The following THADA variants were observed in gnomAD, a reference collection of about 807,000 sequenced individuals.
The protein encoded by THADA is tRNA (32-2'-O)-methyltransferase regulator THADA.
THADA carries 213 observed loss-of-function variants against 219.8 expected under a neutral mutation model. The observed-to-expected ratio is 0.97, with a 90% CI of 0.87 to 1.09. The LOEUF is 1.09. Ranked by LOEUF, THADA falls within the 50% of genes least tolerant of loss-of-function variation. THADA has a pLI of 0.00. For missense variants in THADA, 2,956 were observed against 2,311.3 expected (o/e 1.28, Z -5.72); for synonymous variants, 1,018 against 828.9 (o/e 1.23, Z -3.92).
chr2:43,400,077 A>G (rs956385749), intron 28 of THADA, among the ~76,000 whole-genome samples: 4 of 152,212 alleles, frequency 2.6e-5, no homozygotes, highest in Admixed American at 6.5e-5. Context: ...CTTTTCAAAT[A>G]CAAATAACTC....
intron 26 of THADA, among the ~76,000 whole-genome samples, chr2:43,470,233 A>G (rs1684750324): frequency 6.6e-6 from 1 of 151,280 alleles, no homozygotes; most frequent in Non-Finnish European, 1.5e-5. Flanking sequence ...AAAAGAAAGA[A>G]GGAAAAGAAA....
At chr2:43,347,994 G>A (rs1259876491) in intron 29 of THADA, among the ~76,000 whole-genome samples, 2 of 151,908 alleles carry the variant, frequency 1.3e-5, no homozygotes, top group African/African-American at 4.9e-5. Flanking sequence ...GGTCATAGCA[G>A]AAGGGGTGGA....
intron 37 of THADA, among the ~76,000 whole-genome samples, chr2:43,232,415 T>C (rs867738357): frequency 7.9e-5 from 12 of 152,074 alleles, no homozygotes; most frequent in African/African-American, 2.9e-4. Context: ...CCTGACCTCA[T>C]GATCCGCCTG....
intron 14 of THADA, among the ~76,000 whole-genome samples, chr2:43,567,085 CT>C (rs34061617): frequency 0.34 from 48,397 of 144,016 alleles, 8,100 homozygotes; most frequent in African/African-American, 0.42. Context: ...GATACGTACA[CT>C]TTTTTTTTTT....
At chr2:43,434,585 A>G (rs1679826893) in intron 26 of THADA, among the ~76,000 whole-genome samples, 1 of 152,194 alleles carries the variant, frequency 6.6e-6, no homozygotes, top group South Asian at 2.1e-4. Flanking sequence ...ATACACCAAC[A>G]GGCACCAGCA....
chr2:43,558,563 A>T (rs2103923940), intron 16 of THADA, among the ~76,000 whole-genome samples: 1 of 152,312 alleles, frequency 6.6e-6, no homozygotes, highest in Non-Finnish European at 1.5e-5. Context: ...CAGGAAGAAG[A>T]ACATGGAAAG....
At chr2:43,281,443 T>C (rs1417885686) in intron 35 of THADA, among the ~76,000 whole-genome samples, 3 of 146,678 alleles carry the variant, frequency 2.0e-5, no homozygotes, top group Non-Finnish European at 4.5e-5. Context: ...TGTACTTCTT[T>C]TTTTTTTTTT....
At chr2:43,571,522 G>A (rs1347605792) in intron 13 of THADA, among the ~76,000 whole-genome samples, 185 bp downstream of exon 13, 1 of 152,060 alleles carries the variant, frequency 6.6e-6, no homozygotes, top group Non-Finnish European at 1.5e-5. Flanking sequence ...TTTCACTCTG[G>A]ATTTTAATCC....
Position 43,509,801 on chromosome 2 carries a change from G to T in THADA, c.3375-1021C>A, listed in dbSNP as rs189983135. Among the ~76,000 whole-genome samples, 333 of 152,132 alleles carry T rather than the reference G, an allele frequency of 2.2e-3. 1 individual carries two copies. The highest frequency in any genetic ancestry group is 2.2e-3 in the Non-Finnish European group (149 of 67,984). ...AGGCATTTTTTAAAGTTTGACATGG[G>T]CCTAAAAATATTATTTCAGTCATAA... On this transcript the variant is annotated intron_variant, in intron 22 of 37. Coordinates refer to ENST00000405975, the MANE Select transcript of THADA (RefSeq NM_022065.5).
chr2:43,278,565 G>A (rs1004787942), intron 36 of THADA, among the ~76,000 whole-genome samples: 2 of 152,252 alleles, frequency 1.3e-5, no homozygotes, highest in African/African-American at 2.4e-5. Flanking sequence ...AGGGGAGCCT[G>A]CTTGCATATC....
At chr2:43,514,569 AACAT>A (rs1437774515) in intron 22 of THADA, among the ~76,000 whole-genome samples, 2,089 of 105,170 alleles carry the variant, frequency 0.02, 30 homozygotes, top group African/African-American at 0.031. Context: ...TAATATACAT[AACAT>A]ATATGTATAT....
chr2:43,353,821 A>T lies in THADA; in HGVS notation c.4228-9584T>A, dbSNP rs1360949711. On this transcript the variant is annotated intron_variant, in intron 29 of 37. Transcript: ENST00000405975. ...CAGGCATGGGCCACCAAGCTCAGCTAATTTTTTTTTTTTTGAGATGTAGTC... is the reference window on the plus strand; with the variant it reads ...CAGGCATGGGCCACCAAGCTCAGCTTATTTTTTTTTTTTTGAGATGTAGTC... Among the ~76,000 whole-genome samples the T allele has an allele frequency of 2.7e-5, 3 of 112,794 alleles. 1 individual carries two copies. Among genetic ancestry groups the T allele is most frequent in the East Asian group, 3.9e-4 (2 of 5,096 alleles). 74.0% of individuals were successfully genotyped at this position (112,794 alleles called of 152,430 possible). A position where few individuals can be genotyped will look rare whatever the true frequency, so the allele number is the denominator to read the frequency against.
At chr2:43,384,896 T>A (rs182856907) in intron 29 of THADA, among the ~76,000 whole-genome samples, 1 of 152,162 alleles carries the variant, frequency 6.6e-6, no homozygotes, top group Admixed American at 6.5e-5. Flanking sequence ...TTCCAGCACT[T>A]TGGGAGGCCG....
chr2:43,351,388 C>T (rs1668235444), intron 29 of THADA, among the ~76,000 whole-genome samples: 1 of 152,102 alleles, frequency 6.6e-6, no homozygotes, highest in African/African-American at 2.4e-5. Context: ...GACGTTCCAT[C>T]ATTTGTCTCC....
intron 1 of THADA, among the ~76,000 whole-genome samples, chr2:43,592,624 C>T (rs946944069): frequency 6.6e-6 from 1 of 152,066 alleles, no homozygotes; most frequent in African/African-American, 2.4e-5. Flanking sequence ...GTGAAGTGTC[C>T]CCTGGGGAGC....
intron 26 of THADA, among the ~76,000 whole-genome samples, chr2:43,443,861 T>C (rs538118023): frequency 3.2e-4 from 48 of 152,304 alleles, no homozygotes; most frequent in Non-Finnish European, 5.6e-4. Flanking sequence ...TCTACTTGCC[T>C]AGCACAAAGC....
rs372379574 is a variant in THADA, at chr2:43,592,354, C to T, written c.39G>A (p.Ala13=). ...VKKKKEMQVA[A]LTICHQDLET... is the part of the protein sequence containing the mutation. Reference sequence around the variant, plus strand: ...CAAGGTCCTGATGGCAAATGGTCAGCGCAGCAACTTGCATTTCTTTCTTCT... The same window carrying T: ...CAAGGTCCTGATGGCAAATGGTCAGTGCAGCAACTTGCATTTCTTTCTTCT... The change falls in exon 2 of 38, where the codon GCG becomes GCA. Residue 13 remains alanine, a synonymous_variant. Coordinates refer to ENST00000405975, the MANE Select transcript of THADA (RefSeq NM_022065.5). 1.4e-5 allele frequency: 23 copies of T among 1,608,604 alleles called. No individual in the cohort carries two copies. The highest frequency in any genetic ancestry group is 4.5e-5 in the East Asian group (2 of 44,834).
chr2:43,514,704 A>ATTT, intron 22 of THADA, among the ~76,000 whole-genome samples: 1 of 78,570 alleles, frequency 1.3e-5, no homozygotes, highest in African/African-American at 5.9e-5. Flanking sequence ...TATATATAAT[A>ATTT]TATATATAAA....
chr2:43,402,606 T>C (rs1192808483), intron 28 of THADA, among the ~76,000 whole-genome samples: 2 of 152,194 alleles, frequency 1.3e-5, no homozygotes, highest in Non-Finnish European at 2.9e-5. Context: ...AAACTGTCTC[T>C]GCCCACACAC....
Sources: allele counts gnomAD v4.1 joint callset (sites outside exome capture counted in the v4.1 genomes callset), GRCh38; gene constraint gnomAD v4.1.1; transcripts MANE v1.5; gene names NCBI Gene and HGNC (gene_info 2026-07-23, HGNC 2026-07-21).